Variants in ACCSL observed in about 807,000 individuals in gnomAD.
The protein encoded by ACCSL is probable inactive 1-aminocyclopropane-1-carboxylate synthase-like protein 2.
A neutral mutation model predicts 61.7 loss-of-function variants in ACCSL; 55 were observed. That is an observed-to-expected ratio of 0.89 (90% CI 0.72 to 1.12). The LOEUF is 1.12. Ranked by LOEUF, ACCSL falls within the 50% of genes most tolerant of loss-of-function variation. The probability of loss-of-function intolerance (pLI) is 0.00; values close to 1 mark genes in which losing one functional copy is unlikely to be tolerated. For missense variants in ACCSL, 632 were observed against 698.0 expected (o/e 0.91, Z 1.07); for synonymous variants, 258 against 264.3 (o/e 0.98, Z 0.23).
At chr11:44,033,313 G>T in the ACCSL span, among the ~76,000 whole-genome samples, 1 of 152,106 alleles carries the variant, frequency 6.6e-6, no homozygotes, top group Non-Finnish European at 1.5e-5. Context: ...ACTTGAACTT[G>T]CGGCATGAAC....
chr11:44,009,491 C>A, the ACCSL span, among the ~76,000 whole-genome samples: 2 of 152,128 alleles, frequency 1.3e-5, no homozygotes, highest in East Asian at 3.9e-4. Flanking sequence ...CAGGGCCGGG[C>A]GCAGTGGCTC....
At chr11:44,015,744 C>T in the ACCSL span, among the ~76,000 whole-genome samples, 3 of 152,184 alleles carry the variant, frequency 2.0e-5, no homozygotes, top group African/African-American at 7.2e-5. Flanking sequence ...CTAGAAAGAG[C>T]CTGGGCTGCG....
chr11:43,974,993 G>GA, the ACCSL span, among the ~76,000 whole-genome samples: 1 of 152,154 alleles, frequency 6.6e-6, no homozygotes, highest in African/African-American at 2.4e-5. Context: ...AGCAATAAAG[G>GA]AAAAATGGAG....
At chr11:44,042,494 A>AT in the ACCSL span, among the ~76,000 whole-genome samples, 16 of 150,280 alleles carry the variant, frequency 1.1e-4, no homozygotes, top group East Asian at 7.8e-4. Flanking sequence ...TTTTATTTTT[A>AT]TTTTTTTTTG....
chr11:44,047,706 A>T (rs1952607746), upstream of ACCSL, among the ~76,000 whole-genome samples: 3 of 152,244 alleles, frequency 2.0e-5, no homozygotes, highest in Admixed American at 2.0e-4. Flanking sequence ...GGAAGTGCTC[A>T]GGTTGAAGAA....
chr11:43,979,528 C>T, the ACCSL span, among the ~76,000 whole-genome samples: 10 of 151,948 alleles, frequency 6.6e-5, no homozygotes, highest in Non-Finnish European at 8.8e-5. Context: ...ATCTACATAT[C>T]GATGTAAAGT....
the ACCSL span, among the ~76,000 whole-genome samples, chr11:43,931,972 TGAG>T: frequency 6.6e-6 from 1 of 152,176 alleles, no homozygotes; most frequent in East Asian, 1.9e-4. Context: ...AGGCTGTGTC[TGAG>T]GAGAAGCACA....
At chr11:44,024,439 CTCTGTGTGTGTGTG>C in the ACCSL span, among the ~76,000 whole-genome samples, 3 of 48,906 alleles carry the variant, frequency 6.1e-5, no homozygotes, top group African/African-American at 2.0e-4. Flanking sequence ...CTCTCTCTCT[CTCTGTGTGTGTGTG>C]TGTGTGTGTG....
At chr11:44,019,571 C>A in the ACCSL span, among the ~76,000 whole-genome samples, 2 of 152,132 alleles carry the variant, frequency 1.3e-5, no homozygotes, top group Non-Finnish European at 2.9e-5. Context: ...CTATTCCAAT[C>A]ATTTGCCCAT....
At chr11:43,987,430 G>A in the ACCSL span, among the ~76,000 whole-genome samples, 2 of 152,196 alleles carry the variant, frequency 1.3e-5, no homozygotes, top group Non-Finnish European at 2.9e-5. Flanking sequence ...AAGGTGTGGC[G>A]GGGGACGGGG....
chr11:43,998,494 AG>A, the ACCSL span, among the ~76,000 whole-genome samples: 1 of 152,182 alleles, frequency 6.6e-6, no homozygotes. Context: ...CTGAGGTCTT[AG>A]CCTTGAGGGG....
Position 44,053,010 on chromosome 11 carries a change from A to G in ACCSL, c.890A>G (p.His297Arg). Residue 297 changes from histidine (H) to arginine (R), a missense_variant, in exon 7 of 14, where the codon CAT becomes CGT. By Grantham distance (29) the His-to-Arg change is conservative. Coordinates refer to ENST00000378832, the MANE Select transcript of ACCSL (RefSeq NM_001031854.2). ...LESEVTVTNT[H>R]PFQLTVDKLE... ...TTCCAGGTCACTGTTACAAACACCCATCCTTTCCAGCTCACTGTGGACAAG... is the reference window on the plus strand; with the variant it reads ...TTCCAGGTCACTGTTACAAACACCCGTCCTTTCCAGCTCACTGTGGACAAG... 1.2e-6 allele frequency: 2 copies of G among 1,614,126 alleles called. No individual in the cohort carries two copies. Among genetic ancestry groups the G allele is most frequent in the Non-Finnish European group, 1.7e-6 (2 of 1,180,012 alleles).
chr11:43,965,069 T>C, the ACCSL span, among the ~76,000 whole-genome samples: 1 of 152,160 alleles, frequency 6.6e-6, no homozygotes, highest in Non-Finnish European at 1.5e-5. Flanking sequence ...TATTTAACGT[T>C]GTACTGGAAG....
chr11:44,022,374 G>C, the ACCSL span, among the ~76,000 whole-genome samples: 12 of 151,896 alleles, frequency 7.9e-5, no homozygotes, highest in Non-Finnish European at 1.6e-4. Context: ...TTTTTTTGCA[G>C]CTATGTAAAA....
the ACCSL span, among the ~76,000 whole-genome samples, chr11:43,946,800 A>C: frequency 1.3e-5 from 2 of 152,178 alleles, no homozygotes; most frequent in Non-Finnish European, 2.9e-5. Flanking sequence ...GAAGCCTGAT[A>C]GAAGCCGTGT....
chr11:43,934,310 AGGGCCCCCTG>A, the ACCSL span, among the ~76,000 whole-genome samples: 38 of 152,122 alleles, frequency 2.5e-4, 1 homozygote, highest in Admixed American at 2.4e-3. Flanking sequence ...CTTTGTGTGG[AGGGCCCCCTG>A]GGGGTGGAGT....
chr11:44,042,940 G>A, the ACCSL span, among the ~76,000 whole-genome samples: 1 of 151,842 alleles, frequency 6.6e-6, no homozygotes, highest in Non-Finnish European at 1.5e-5. Flanking sequence ...AAAATTAGCT[G>A]GGCATGGTGG....
the ACCSL span, among the ~76,000 whole-genome samples, chr11:43,997,608 G>A: frequency 1.3e-5 from 2 of 152,166 alleles, no homozygotes; most frequent in Non-Finnish European, 2.9e-5. Flanking sequence ...GGGATCAAAC[G>A]TAGATGTCTA....
the ACCSL span, among the ~76,000 whole-genome samples, chr11:44,019,299 G>T: frequency 6.6e-6 from 1 of 152,208 alleles, no homozygotes; most frequent in South Asian, 2.1e-4. Context: ...ATACCTAGCA[G>T]TGGAATTGTT....
Sources: allele counts gnomAD v4.1 joint callset (sites outside exome capture counted in the v4.1 genomes callset), GRCh38; gene constraint gnomAD v4.1.1; transcripts MANE v1.5; gene names NCBI Gene and HGNC (gene_info 2026-07-23, HGNC 2026-07-21).